HSPG2: variants seen among roughly 807,000 people sequenced by gnomAD.
The protein encoded by HSPG2 is basement membrane-specific heparan sulfate proteoglycan core protein.
Under a neutral mutation model 526.6 loss-of-function variants are expected in HSPG2, and 278 were observed. The ratio of observed to expected loss-of-function variants is 0.53; its 90% CI spans 0.48 to 0.58. The LOEUF (loss-of-function observed/expected upper bound fraction) is 0.58. Ranked by LOEUF, HSPG2 falls within the 20% of genes least tolerant of loss-of-function variation. The pLI is 0.00. For missense variants in HSPG2, 5,354 were observed against 6,099.5 expected, an observed-to-expected ratio of 0.88 and a Z score of 4.07; for synonymous variants, 2,465 against 2,555.4, an observed-to-expected ratio of 0.96 and a Z score of 1.07.
intron 49 of HSPG2, 24 bp downstream of exon 49, chr1:21,854,587 G>A (rs759440621): frequency 1.3e-6 from 2 of 1,544,952 alleles, no homozygotes; most frequent in African/African-American, 1.4e-5. Flanking sequence ...TGGGTCCCCT[G>A]CCATAGGCTC....
Position 21,846,500 on chromosome 1 carries a change from T to A in HSPG2, c.8264A>T (p.His2755Leu). 7 of 1,613,758 alleles carry A rather than the reference T, an allele frequency of 4.3e-6. No individual in the cohort carries two copies. The highest frequency in any genetic ancestry group is 5.9e-6 in the Non-Finnish European group (7 of 1,180,044). Reference protein sequence around the residue: ...DLNCVVPGQAHAQVTWHKRGG... With the variant: ...DLNCVVPGQALAQVTWHKRGG... ...ACGCTTGTGCCAAGTGACCTGGGCA[T>A]GGGCCTGCCCGGGGACCACGCAGTT... Residue 2755 changes from histidine to leucine, a missense_variant, in exon 63 of 97, where the codon CAT becomes CTT. By Grantham distance (99) the His-to-Leu change is moderately conservative. Transcript: ENST00000374695.
rs571332788 is a variant in HSPG2, at chr1:21,894,707, G to A, written c.244+1215C>T. Reference sequence around the variant, plus strand: ...GGGCAGCCCCCGGGGAGGGGCTGGAGATGGTTCATGAATGGACAGGGTGAT... The same window carrying A: ...GGGCAGCCCCCGGGGAGGGGCTGGAAATGGTTCATGAATGGACAGGGTGAT... On this transcript the variant is annotated intron_variant, in intron 3 of 96. Coordinates refer to ENST00000374695, the MANE Select transcript of HSPG2 (RefSeq NM_005529.7). Among the ~76,000 whole-genome samples the A allele has an allele frequency of 2.0e-5, 3 of 152,332 alleles. No homozygotes were observed. In the South Asian group the frequency reaches 6.2e-4, roughly 32 times the overall value.
chr1:21,844,007 C>T, intron 65 of HSPG2, 141 bp downstream of exon 65: 2 of 1,168,448 alleles, frequency 1.7e-6, no homozygotes, highest in South Asian at 1.4e-5. Flanking sequence ...CCAGCCCGCT[C>T]TCAACTTCCT....
chr1:21,838,817 C>A lies in HSPG2; in HGVS notation c.10150+8G>T. ...GATCCCCTTCCACGCAGAGCCGGGG[C>A]TGCTTACCTTGGACGAGCAGCTGGG... is the stretch of plus-strand genomic sequence containing the variant. On this transcript the variant is annotated splice_region_variant and intron_variant, in intron 74 of 96. Coordinates refer to ENST00000374695, the MANE Select transcript of HSPG2 (RefSeq NM_005529.7). 6.2e-7 allele frequency: 1 copy of A among 1,611,410 alleles called. No homozygotes were observed. The highest frequency in any genetic ancestry group is 8.5e-7 in the Non-Finnish European group (1 of 1,179,434).
intron 1 of HSPG2, among the ~76,000 whole-genome samples, chr1:21,900,758 G>C (rs1456409556): frequency 6.6e-6 from 1 of 152,162 alleles, no homozygotes; most frequent in East Asian, 1.9e-4. Flanking sequence ...GGTGGTGCAT[G>C]CCTATAGTCC....
In HSPG2 at chr1:21,861,766, T is replaced by C; in HGVS notation, c.4946A>G (p.Tyr1649Cys). The stretch of plus-strand genomic sequence containing the variant: ...CTGTTTACAAACTTACTGCTCACAG[T>C]ACTGGCCAGTGTAGCCGGGTTCGCA... Reference protein sequence around the residue: ...TACEPGYTGQYCEQCGPGYVG... With the variant: ...TACEPGYTGQCCEQCGPGYVG... Residue 1649 changes from tyrosine to cysteine, a missense_variant, in exon 39 of 97, where the codon TAC becomes TGC. Coordinates refer to ENST00000374695, the MANE Select transcript of HSPG2 (RefSeq NM_005529.7). 1 of 1,614,012 alleles carries C rather than the reference T, an allele frequency of 6.2e-7. No homozygotes were observed. The highest frequency in any genetic ancestry group is 8.5e-7 in the Non-Finnish European group (1 of 1,179,956).
At chr1:21,846,082 T>C (rs758428674) in intron 64 of HSPG2, 26 bp downstream of exon 64, 2 of 1,611,352 alleles carry the variant, frequency 1.2e-6, no homozygotes, top group South Asian at 2.2e-5. Flanking sequence ...CCCCCGGCCT[T>C]CCCGTCCCAC....
intron 1 of HSPG2, among the ~76,000 whole-genome samples, chr1:21,924,426 G>A (rs1644129508): frequency 6.6e-6 from 1 of 152,206 alleles, no homozygotes; most frequent in South Asian, 2.1e-4. Context: ...TGGGATTGGT[G>A]ATATGGTGGG....
At chr1:21,878,875 A>G in intron 18 of HSPG2, 119 bp downstream of exon 18, 1 of 1,352,822 alleles carries the variant, frequency 7.4e-7, no homozygotes, top group Admixed American at 2.0e-5. Flanking sequence ...GGAGCATGGG[A>G]TAACTTAGTG....
chr1:21,834,646 T>C, intron 77 of HSPG2, 33 bp downstream of exon 77: 1 of 1,612,990 alleles, frequency 6.2e-7, no homozygotes, highest in Non-Finnish European at 8.5e-7. Flanking sequence ...CCCCACTCAC[T>C]GTCCCCCAAC....
chr1:21,880,597 T>G (rs910087329), intron 15 of HSPG2, 38 bp from the exon 16 acceptor site: 3 of 1,607,236 alleles, frequency 1.9e-6, no homozygotes, highest in Non-Finnish European at 2.5e-6. Context: ...CACACATCAG[T>G]GCCTACCCAG....
In HSPG2 at chr1:21,841,525, C is replaced by A; in HGVS notation, c.9328+14G>T. ...GAAACAGGGCAGAGCCCCACAGGGT[C>A]AACGTCCCCTCACCGTGCACACTGA... is the stretch of plus-strand genomic sequence containing the variant. On this transcript the variant is annotated intron_variant, in intron 70 of 96. Coordinates refer to ENST00000374695, the MANE Select transcript of HSPG2 (RefSeq NM_005529.7). 1 of 1,614,180 alleles carries A rather than the reference C, an allele frequency of 6.2e-7. No individual in the cohort carries two copies. Among genetic ancestry groups the A allele is most frequent in the South Asian group, 1.1e-5 (1 of 91,072 alleles).
Position 21,904,065 on chromosome 1 carries a change from C to T in HSPG2, c.64-7755G>A, listed in dbSNP as rs562038175. Among the ~76,000 whole-genome samples the T allele has an allele frequency of 2.6e-5, 4 of 152,200 alleles. No individual in the cohort carries two copies. Among genetic ancestry groups the T allele is most frequent in the Non-Finnish European group, 5.9e-5 (4 of 68,000 alleles). On this transcript the variant is annotated intron_variant, in intron 1 of 96. Coordinates refer to ENST00000374695, the MANE Select transcript of HSPG2 (RefSeq NM_005529.7). The surrounding 1 kb of genome is among the most constrained non-coding windows in gnomAD (Gnocchi z 4.4). The stretch of plus-strand genomic sequence containing the variant: ...CGGGGTACCTACTATGTGCTGGGCC[C>T]GGGGGACAAAATGTGAAATGGACAC...
chr1:21,912,325 C>T (rs1033864413), intron 1 of HSPG2, among the ~76,000 whole-genome samples: 2 of 152,270 alleles, frequency 1.3e-5, no homozygotes, highest in East Asian at 3.9e-4. Flanking sequence ...CAGGCACTTA[C>T]GAGGTGTAAG....
chr1:21,882,874 C>A (rs1641616908), intron 13 of HSPG2, among the ~76,000 whole-genome samples: 1 of 152,172 alleles, frequency 6.6e-6, no homozygotes, highest in African/African-American at 2.4e-5. Flanking sequence ...CTGAATTAAC[C>A]CCCTGCAACC....
chr1:21,841,171 C>T lies in HSPG2; in HGVS notation c.9443G>A (p.Arg3148Gln), dbSNP rs778316157. Residue 3148 changes from arginine to glutamine, a missense_variant, in exon 71 of 97, where the codon CGG becomes CAG. By Grantham distance (43) the Arg-to-Gln change is conservative. Coordinates refer to ENST00000374695, the MANE Select transcript of HSPG2 (RefSeq NM_005529.7). ...GEPRSSARWT[R>Q]ISSTPAKLEQ... ...CAACTTGGCAGGGGTGCTGCTGATC[C>T]GGGTCCAACGAGCAGAGGAGCGGGG... 1.1e-5 allele frequency: 17 copies of T among 1,613,666 alleles called. No individual in the cohort carries two copies. Among genetic ancestry groups the T allele is most frequent in the African/African-American group, 5.3e-5 (4 of 74,934 alleles).
rs777348200 is a variant in HSPG2, at chr1:21,829,582, C to T, written c.11793G>A (p.Ser3931=). ...CEEGVTVTTP[S]LSGAGSYLAL... ...CCAGGTAGGAGCCAGCACCCGACAGCGAGGGGGTGGTCACTGTCACACCTG... is the reference window on the plus strand; with the variant it reads ...CCAGGTAGGAGCCAGCACCCGACAGTGAGGGGGTGGTCACTGTCACACCTG... The change falls in exon 87 of 97, where the codon TCG becomes TCA. Residue 3931 remains serine, a synonymous_variant. Coordinates refer to ENST00000374695, the MANE Select transcript of HSPG2 (RefSeq NM_005529.7). The T allele has an allele frequency of 1.4e-5, 23 of 1,607,166 alleles. No individual in the cohort carries two copies. The highest frequency in any genetic ancestry group is 6.7e-5 in the African/African-American group (5 of 74,804).
Position 21,872,321 on chromosome 1 carries a change from C to T in HSPG2, c.4086G>A (p.Gln1362=), listed in dbSNP as rs1378290412. 5 of 1,578,072 alleles carry T rather than the reference C, an allele frequency of 3.2e-6. No individual in the cohort carries two copies. Among genetic ancestry groups the T allele is most frequent in the African/African-American group, 2.7e-5 (2 of 73,982 alleles). ...ATTCTCCTGTCAGGCGGCTGTTTCG[C>T]TGTGGGTTCACCAGGGCAAAGCCTT... is the stretch of plus-strand genomic sequence containing the variant. ...DFQGFALVNP[Q]RNSRLTGEFT... is the part of the protein sequence containing the mutation. Residue 1362 remains glutamine (Q), a synonymous_variant, in exon 33 of 97, where the codon CAG becomes CAA. Coordinates refer to ENST00000374695, the MANE Select transcript of HSPG2 (RefSeq NM_005529.7). The surrounding 1 kb of genome is among the most constrained non-coding windows in gnomAD (Gnocchi z 5.5).
Position 21,847,525 on chromosome 1 carries a change from G to A in HSPG2, c.8026-33C>T. The stretch of plus-strand genomic sequence containing the variant: ...TGCGGATGGGGAAGGAGAGGGAGAG[G>A]GAGTGGAGGGACGCTGGGGTCACCA... On this transcript the variant is annotated intron_variant, in intron 61 of 96. Transcript: ENST00000374695. This position sits in a 1 kb window ranked among gnomAD's most constrained non-coding sequence, Gnocchi z 4.1. The A allele has an allele frequency of 6.2e-7, 1 of 1,613,224 alleles. No individual in the cohort carries two copies. The highest frequency in any genetic ancestry group is 8.5e-7 in the Non-Finnish European group (1 of 1,179,794).
Sources: allele counts gnomAD v4.1 joint callset (sites outside exome capture counted in the v4.1 genomes callset), GRCh38; gene constraint gnomAD v4.1.1; non-coding constraint Gnocchi (gnomAD v3.1); transcripts MANE v1.5; gene names NCBI Gene and HGNC (gene_info 2026-07-23, HGNC 2026-07-21).